Variants in ACOX2 observed in about 807,000 individuals in gnomAD.
ACOX2 encodes peroxisomal acyl-coenzyme A oxidase 2.
Under a neutral mutation model 77.5 loss-of-function variants are expected in ACOX2, and 59 were observed. The observed-to-expected ratio is 0.76, with a 90% CI of 0.62 to 0.95. ACOX2 has a LOEUF of 0.95. ACOX2 is among the 40% of genes least tolerant of loss of function. The pLI is 0.00. For synonymous variants in ACOX2, 317 were observed against 340.1 expected, an observed-to-expected ratio of 0.93 and a Z score of 0.75; for missense variants, 837 against 880.4, an observed-to-expected ratio of 0.95 and a Z score of 0.62.
chr3:58,529,894 A>G (rs1225732463), intron 8 of ACOX2, among the ~76,000 whole-genome samples: 10 of 152,196 alleles, frequency 6.6e-5, no homozygotes, highest in African/African-American at 2.4e-4. Flanking sequence ...AGCCCTTGCT[A>G]TTCTGTGCTG....
intron 9 of ACOX2, among the ~76,000 whole-genome samples, chr3:58,527,536 GAAAA>G (rs71625626): frequency 1.9e-5 from 2 of 107,754 alleles, no homozygotes; most frequent in African/African-American, 9.2e-5. Context: ...ACTGTCTCAG[GAAAA>G]AAAAAAAAAA....
In ACOX2 at chr3:58,534,572, G is replaced by A. The variant is rs1245599814; in HGVS notation, c.161-50C>T. 1 of 1,613,816 alleles carries A rather than the reference G, an allele frequency of 6.2e-7. No individual in the cohort carries two copies. Among genetic ancestry groups the A allele is most frequent in the South Asian group, 1.1e-5 (1 of 91,040 alleles). ...CTTAGGGACCTGGGTGAGGTTTCTG[G>A]CACCTTGAAATCTTCTCACCCACTT... On this transcript the variant is annotated intron_variant, in intron 2 of 14. Coordinates refer to ENST00000302819, the MANE Select transcript of ACOX2 (RefSeq NM_003500.4). The surrounding 1 kb of genome is among the most constrained non-coding windows in gnomAD (Gnocchi z 4.8).
At chr3:58,518,075 CAAAAAAAAAAAAAAA>C (rs763535906) in intron 12 of ACOX2, among the ~76,000 whole-genome samples, 1 of 47,678 alleles carries the variant, frequency 2.1e-5, no homozygotes, top group African/African-American at 1.1e-4. Context: ...AACTCCATCT[CAAAAAAAAAAAAAAA>C]AAAAAAAAAA....
chr3:58,509,209 G>A (rs2063258459), intron 13 of ACOX2, among the ~76,000 whole-genome samples, 184 bp from the exon 14 acceptor site: 1 of 150,200 alleles, frequency 6.7e-6, no homozygotes, highest in South Asian at 2.1e-4. Flanking sequence ...ATGAGTCAAA[G>A]GGTTCCGTAA....
At position 58,531,552 on chromosome 3, in the gene ACOX2, C is replaced by G; in HGVS notation, c.703+141G>C. On this transcript the variant is annotated intron_variant, in intron 6 of 14. Transcript: ENST00000302819. This position sits in a 1 kb window ranked among gnomAD's most constrained non-coding sequence, Gnocchi z 5.8. ...CTCAAGTTCACCTAGCCAGTTAGCACCAAGTCTGTCCAACTGGACCGCTCC... is the reference window on the plus strand; with the variant it reads ...CTCAAGTTCACCTAGCCAGTTAGCAGCAAGTCTGTCCAACTGGACCGCTCC... 1 of 1,377,944 alleles carries G rather than the reference C, an allele frequency of 7.3e-7. No homozygotes were observed. Among genetic ancestry groups the G allele is most frequent in the East Asian group, 2.4e-5 (1 of 42,232 alleles). The allele number at this position is 1,377,944 out of a possible 1,614,324, so 85.4% of individuals were successfully genotyped here. A position where few individuals can be genotyped will look rare whatever the true frequency, so the allele number is the denominator to read the frequency against.
At position 58,522,662 on chromosome 3, in the gene ACOX2, C is replaced by T. The variant is rs910534023; in HGVS notation, c.1527-61G>A. ...CTGAGTGGAAAAGACAACTGATGGG[C>T]TTCCTGTGGTCCCTCAGAAGTAGAA... On this transcript the variant is annotated intron_variant, in intron 11 of 14. Transcript: ENST00000302819. The surrounding 1 kb of genome is among the most constrained non-coding windows in gnomAD (Gnocchi z 4.3). 2.8e-6 allele frequency: 4 copies of T among 1,444,750 alleles called. No individual in the cohort carries two copies. Among genetic ancestry groups the T allele is most frequent in the Non-Finnish European group, 3.9e-6 (4 of 1,026,592 alleles). 89.5% of individuals were successfully genotyped at this position (1,444,750 alleles called of 1,614,324 possible). A position where few individuals can be genotyped will look rare whatever the true frequency, so the allele number is the denominator to read the frequency against.
rs767088353 is a variant in ACOX2, at chr3:58,534,499, C to T, written c.184G>A (p.Glu62Lys). The T allele has an allele frequency of 6.8e-6, 11 of 1,614,066 alleles. No individual in the cohort carries two copies. In the East Asian group the frequency reaches 2.0e-4, roughly 29 times the overall value. The change falls in exon 3 of 15, where the codon GAG becomes AAG. Residue 62 changes from glutamate (E) to lysine (K), a missense_variant. Coordinates refer to ENST00000302819, the MANE Select transcript of ACOX2 (RefSeq NM_003500.4). This position sits in a 1 kb window ranked among gnomAD's most constrained non-coding sequence, Gnocchi z 4.8. ...KVESIIHSYPEFSCKDNYFMT... is the reference protein window; with the variant it reads ...KVESIIHSYPKFSCKDNYFMT... ...AAATAATTGTCCTTACAGCTAAACT[C>T]CGGGTAACTGTGGATGATGCTCTCT... is the stretch of plus-strand genomic sequence containing the variant.
chr3:58,507,475 C>G lies in ACOX2; in HGVS notation c.1983+1418G>C, dbSNP rs2063243432. Among the ~76,000 whole-genome samples the G allele has an allele frequency of 2.0e-5, 3 of 152,350 alleles. No individual in the cohort carries two copies. In the East Asian group the frequency reaches 5.8e-4, roughly 29 times the overall value. On this transcript the variant is annotated intron_variant, in intron 14 of 14. Coordinates refer to ENST00000302819, the MANE Select transcript of ACOX2 (RefSeq NM_003500.4). ...ACCAACTAAAACACAAGAAAGCCCC[C>G]TCCATTCTCTCTAGAGAAACCAGAA...
At position 58,522,440 on chromosome 3, in the gene ACOX2, T is replaced by A. The variant is rs1448503455; in HGVS notation, c.1632+56A>T. 1.3e-6 allele frequency: 2 copies of A among 1,546,320 alleles called. No individual in the cohort carries two copies. The highest frequency in any genetic ancestry group is 1.8e-6 in the Non-Finnish European group (2 of 1,120,982). On this transcript the variant is annotated intron_variant, in intron 12 of 14. Coordinates refer to ENST00000302819, the MANE Select transcript of ACOX2 (RefSeq NM_003500.4). The surrounding 1 kb of genome is among the most constrained non-coding windows in gnomAD (Gnocchi z 4.3). ...CAGAGCCCGGATTTTCCCAGCAGGG[T>A]AGCCTGCCTGGGAAGCAAAATGGAT...
Position 58,524,843 on chromosome 3 carries a change from C to T in ACOX2, c.1347-238G>A, listed in dbSNP as rs935083487. ...GGAGCTGGGCCAGACACTCTCTGAT[C>T]CTGAACATAAACCCTTCTGTGATCT... On this transcript the variant is annotated intron_variant, in intron 10 of 14. Transcript: ENST00000302819. This position sits in a 1 kb window ranked among gnomAD's most constrained non-coding sequence, Gnocchi z 5.5. 3.9e-5 allele frequency among the ~76,000 whole-genome samples: 6 copies of T among 152,226 alleles called. No homozygotes were observed. Among genetic ancestry groups the T allele is most frequent in the African/African-American group, 1.4e-4 (6 of 41,448 alleles).
rs1162085239 is a variant in ACOX2 at position 58,512,402 on chromosome 3, T to G, written c.1851-3377A>C. Among the ~76,000 whole-genome samples, 1 of 152,246 alleles carries G rather than the reference T, an allele frequency of 6.6e-6. No homozygotes were observed. The highest frequency in any genetic ancestry group is 2.4e-5 in the African/African-American group (1 of 41,462). On this transcript the variant is annotated intron_variant, in intron 13 of 14. Transcript: ENST00000302819. This position sits in a 1 kb window ranked among gnomAD's most constrained non-coding sequence, Gnocchi z 4.8. ...CAGCTGATCTCCCTGCTTTTCACTC[T>G]TAGTTCTTAATATGGCAGCTGGAGC...
At chr3:58,517,077 G>A in intron 13 of ACOX2, 129 bp downstream of exon 13, 1 of 849,120 alleles carries the variant, frequency 1.2e-6, no homozygotes, top group Non-Finnish European at 1.8e-6. Flanking sequence ...AATGATAATA[G>A]GGTGTAGACC....
At chr3:58,509,277 C>T (rs1453976770) in intron 13 of ACOX2, among the ~76,000 whole-genome samples, 5 of 152,030 alleles carry the variant, frequency 3.3e-5, no homozygotes, top group East Asian at 3.9e-4. Context: ...CCTGTAATCC[C>T]GGCACTTTGG....
At position 58,531,775 on chromosome 3, in the gene ACOX2, C is replaced by T; in HGVS notation, c.621G>A (p.Gln207=). The T allele has an allele frequency of 6.2e-7, 1 of 1,614,176 alleles. No homozygotes were observed. Among genetic ancestry groups the T allele is most frequent in the Non-Finnish European group, 8.5e-7 (1 of 1,180,028 alleles). ...RSATHALVQA[Q]LICSGARRGM... ...CCCGCCTGGCTCCTGAGCAGATCAGCTGGGCCTGGACCAGGGCATGGGTGG... is the reference window on the plus strand; with the variant it reads ...CCCGCCTGGCTCCTGAGCAGATCAGTTGGGCCTGGACCAGGGCATGGGTGG... Residue 207 remains glutamine, a synonymous_variant, in exon 6 of 15, where the codon CAG becomes CAA. Transcript: ENST00000302819. The surrounding 1 kb of genome is among the most constrained non-coding windows in gnomAD (Gnocchi z 5.8).
At position 58,524,069 on chromosome 3, in the gene ACOX2, G is replaced by C. The variant is rs980569632; in HGVS notation, c.1526+357C>G. Among the ~76,000 whole-genome samples the C allele has an allele frequency of 3.9e-5, 6 of 152,176 alleles. No individual in the cohort carries two copies. Among genetic ancestry groups the C allele is most frequent in the African/African-American group, 1.2e-4 (5 of 41,426 alleles). On this transcript the variant is annotated intron_variant, in intron 11 of 14. Coordinates refer to ENST00000302819, the MANE Select transcript of ACOX2 (RefSeq NM_003500.4). This position sits in a 1 kb window ranked among gnomAD's most constrained non-coding sequence, Gnocchi z 5.5. The stretch of plus-strand genomic sequence containing the variant: ...TATTTCAAACGTACGAGTGAGTATT[G>C]CTTTATTTATTGGTATTTGCATATC...
At chr3:58,516,083 A>C (rs924704722) in intron 13 of ACOX2, among the ~76,000 whole-genome samples, 7 of 152,120 alleles carry the variant, frequency 4.6e-5, no homozygotes, top group Non-Finnish European at 7.3e-5. Flanking sequence ...ATAGAATAAT[A>C]GTGTGAAAGC....
intron 13 of ACOX2, among the ~76,000 whole-genome samples, chr3:58,513,562 A>G (rs1214442495): frequency 6.6e-6 from 1 of 150,378 alleles, no homozygotes; most frequent in Non-Finnish European, 1.5e-5. Flanking sequence ...TCTGAATATT[A>G]GTTTTAAATA....
At chr3:58,508,837 T>G (rs1315825418) in intron 14 of ACOX2, 56 bp downstream of exon 14, 1 of 1,599,366 alleles carries the variant, frequency 6.3e-7, no homozygotes, top group Non-Finnish European at 8.6e-7. Flanking sequence ...TGAAGGTGTA[T>G]TCACTGCCTG....
rs775067613 is a variant in ACOX2, at chr3:58,534,951, T to G, written c.156A>C (p.Lys52Asn). 4 of 1,614,174 alleles carry G rather than the reference T, an allele frequency of 2.5e-6. No homozygotes were observed. The East Asian group carries it at 8.9e-5, about 36-fold the overall frequency. The change falls in exon 2 of 15, where the codon AAA (lysine) becomes AAC (asparagine). Residue 52 changes from lysine to asparagine, a missense_variant. Coordinates refer to ENST00000302819, the MANE Select transcript of ACOX2 (RefSeq NM_003500.4). This position sits in a 1 kb window ranked among gnomAD's most constrained non-coding sequence, Gnocchi z 4.8. ...GGAQNTALRR[K>N]VESIIHSYPE... Reference sequence around the variant, plus strand: ...CATTCCCCAGCTTCCCCTTACCAACTTTCCTGCGGAGTGCAGTGTTCTGGG... The same window carrying G: ...CATTCCCCAGCTTCCCCTTACCAACGTTCCTGCGGAGTGCAGTGTTCTGGG...
Sources: gnomAD v4.1 joint callset for allele counts (sites outside exome capture counted in the v4.1 genomes callset) on GRCh38, gnomAD v4.1.1 for gene constraint, Gnocchi (gnomAD v3.1) non-coding constraint, MANE v1.5 for transcripts, NCBI Gene and HGNC (gene_info 2026-07-23, HGNC 2026-07-21) for gene names.